Variants in REPS1 observed in about 807,000 individuals in gnomAD.
The protein encoded by REPS1 is RALBP1 associated Eps domain containing 1, also known as ralBP1-associated Eps domain-containing protein 1.
Under a neutral mutation model 100.9 loss-of-function variants are expected in REPS1, and 39 were observed. The observed-to-expected ratio is 0.39, with a 90% confidence interval of 0.30 to 0.50. The LOEUF (loss-of-function observed/expected upper bound fraction) is 0.50, where lower values mean the gene tolerates loss of function less well. Among genes scored for constraint, REPS1 ranks in the 20% least tolerant of loss-of-function variants. The probability of loss-of-function intolerance (pLI) is 0.86; values close to 1 mark genes in which losing one functional copy is unlikely to be tolerated. For synonymous variants in REPS1, 324 were observed against 340.3 expected (o/e 0.95, Z 0.53); for missense variants, 821 against 968.5 (o/e 0.85, Z 2.02).
intron 10 of REPS1, among the ~76,000 whole-genome samples, chr6:138,921,702 C>A (rs1780774256): frequency 6.6e-6 from 1 of 151,188 alleles, no homozygotes; most frequent in Non-Finnish European, 1.5e-5. Context: ...CTCAGCCTCC[C>A]AAGTAGCTGG....
At chr6:138,977,783 T>C (rs1784680660) in intron 1 of REPS1, among the ~76,000 whole-genome samples, 1 of 152,232 alleles carries the variant, frequency 6.6e-6, no homozygotes, top group African/African-American at 2.4e-5. Context: ...AACTGCTGGT[T>C]GCTATGGCAA....
intron 1 of REPS1, chr6:138,951,131 T>C (rs1169760413): frequency 2.0e-5 from 3 of 151,624 alleles, no homozygotes; most frequent in African/African-American, 4.9e-5. Flanking sequence ...GAGGTTGCAG[T>C]GAGCCGAGAT....
intron 1 of REPS1, among the ~76,000 whole-genome samples, chr6:138,972,126 T>C (rs947417044): frequency 3.5e-4 from 53 of 152,038 alleles, no homozygotes; most frequent in African/African-American, 1.2e-3. Flanking sequence ...ACAAAACATA[T>C]ACAAAAGGAT....
chr6:138,963,731 G>A (rs1030137995), intron 1 of REPS1, among the ~76,000 whole-genome samples: 3 of 152,134 alleles, frequency 2.0e-5, no homozygotes, highest in East Asian at 1.9e-4. Context: ...CCAAAGCCCC[G>A]TCATTCCAAA....
chr6:138,976,587 G>C (rs1784614338), intron 1 of REPS1, among the ~76,000 whole-genome samples: 1 of 152,062 alleles, frequency 6.6e-6, no homozygotes, highest in South Asian at 2.1e-4. Context: ...ATTATTCTTT[G>C]AGGTATTATA....
intron 8 of REPS1, among the ~76,000 whole-genome samples, chr6:138,938,645 C>T (rs576352690): frequency 6.6e-6 from 1 of 151,852 alleles, no homozygotes; most frequent in Admixed American, 6.6e-5. Flanking sequence ...GGAAAAAAAA[C>T]AAAACAGGAT....
intron 18 of REPS1, among the ~76,000 whole-genome samples, chr6:138,908,457 G>A (rs1365688985): frequency 6.6e-6 from 1 of 152,020 alleles, no homozygotes; most frequent in Non-Finnish European, 1.5e-5. Flanking sequence ...ACCACACCCG[G>A]CTAATTTTTT....
At chr6:138,946,957 T>TC (rs1562544043) in intron 2 of REPS1, among the ~76,000 whole-genome samples, 1 of 151,892 alleles carries the variant, frequency 6.6e-6, no homozygotes, top group Admixed American at 6.6e-5. Flanking sequence ...TGGGGGCGGT[T>TC]CCCCCATGCT....
intron 1 of REPS1, among the ~76,000 whole-genome samples, chr6:138,975,487 C>A (rs1415504365): frequency 6.6e-6 from 1 of 152,198 alleles, no homozygotes; most frequent in Non-Finnish European, 1.5e-5. Context: ...CAAGATTCCA[C>A]AAATTCTGTG....
intron 1 of REPS1, among the ~76,000 whole-genome samples, chr6:138,968,236 A>T (rs1784123089): frequency 6.6e-6 from 1 of 152,244 alleles, no homozygotes; most frequent in Non-Finnish European, 1.5e-5. Context: ...ATTAAACTTC[A>T]ACTTAAAAAC....
chr6:138,937,204 A>G (rs1781905410), intron 8 of REPS1, among the ~76,000 whole-genome samples: 1 of 152,084 alleles, frequency 6.6e-6, no homozygotes, highest in African/African-American at 2.4e-5. Context: ...ATTACCTCCC[A>G]CCGGGTCCCT....
intron 8 of REPS1, chr6:138,934,387 C>G (rs17068128): frequency 2.1e-6 from 1 of 466,216 alleles, no homozygotes; most frequent in Non-Finnish European, 4.5e-6. Flanking sequence ...AGGGCTGTTA[C>G]GCAAAAAGTA....
chr6:138,917,979 A>C (rs1780512679), intron 12 of REPS1, among the ~76,000 whole-genome samples: 1 of 152,242 alleles, frequency 6.6e-6, no homozygotes, highest in Admixed American at 6.5e-5. Flanking sequence ...AACCGCAAAC[A>C]GAAAATATTA....
chr6:138,914,492 C>A (rs1334809219), intron 15 of REPS1, among the ~76,000 whole-genome samples: 2 of 152,198 alleles, frequency 1.3e-5, no homozygotes, highest in Non-Finnish European at 2.9e-5. Flanking sequence ...ATTTGTTTCA[C>A]TTTTAAGGCT....
chr6:138,965,259 A>C (rs1267727131), intron 1 of REPS1, among the ~76,000 whole-genome samples: 1 of 152,124 alleles, frequency 6.6e-6, no homozygotes, highest in African/African-American at 2.4e-5. Flanking sequence ...AAATAGTATG[A>C]CTACTTTTAA....
At chr6:138,931,863 CAGG>C (rs1238182556) in intron 8 of REPS1, among the ~76,000 whole-genome samples, 1 of 152,040 alleles carries the variant, frequency 6.6e-6, no homozygotes, top group Non-Finnish European at 1.5e-5. Flanking sequence ...GAAAGTCTAC[CAGG>C]AGAATAATAA....
In REPS1 at chr6:138,941,448, T is replaced by A. The variant is rs200827125; in HGVS notation, c.1022A>T (p.Asp341Val). The change falls in exon 8 of 20, where the codon GAT (aspartate) becomes GTT (valine). Residue 341 changes from aspartate (D) to valine (V), a missense_variant. By Grantham distance (152) the Asp-to-Val change is radical. Coordinates refer to ENST00000450536, the MANE Select transcript of REPS1 (RefSeq NM_001286611.2). ...DFDKDGALTL[D>V]EFCAAFHLVV... ...CAGATGAAAAGCAGCACAAAACTCA[T>A]CCAGTGTCAATGCACCATCTTTATC... 98 of 1,613,912 alleles carry A rather than the reference T, an allele frequency of 6.1e-5. No individual in the cohort carries two copies. The highest frequency in any genetic ancestry group is 8.0e-5 in the Non-Finnish European group (94 of 1,179,944).
intron 17 of REPS1, 36 bp downstream of exon 17, chr6:138,911,240 G>A: frequency 7.5e-7 from 1 of 1,332,536 alleles, no homozygotes; most frequent in Non-Finnish European, 1.1e-6. Context: ...TACTTATGAT[G>A]TACAAAATTA....
chr6:138,975,458 T>C (rs1270618347), intron 1 of REPS1, among the ~76,000 whole-genome samples: 3 of 152,202 alleles, frequency 2.0e-5, no homozygotes, highest in African/African-American at 7.2e-5. Flanking sequence ...CAACAGACAA[T>C]TTTCTGTAGT....
Sources: gnomAD v4.1 joint callset for allele counts (sites outside exome capture counted in the v4.1 genomes callset) on GRCh38, gnomAD v4.1.1 for gene constraint, MANE v1.5 for transcripts, NCBI Gene and HGNC (gene_info 2026-07-23, HGNC 2026-07-21) for gene names.